BAZ2B: variants seen among roughly 807,000 people sequenced by gnomAD.
The protein encoded by BAZ2B is bromodomain adjacent to zinc finger domain protein 2B.
BAZ2B carries 91 observed loss-of-function variants against 246.0 expected under a neutral mutation model. The ratio of observed to expected loss-of-function variants is 0.37; its 90% CI spans 0.31 to 0.44. The LOEUF (loss-of-function observed/expected upper bound fraction) is 0.44, where lower values mean the gene tolerates loss of function less well. BAZ2B is among the 20% of genes least tolerant of loss of function. The pLI is 1.00. For missense variants in BAZ2B, 2,332 were observed against 2,533.7 expected (o/e 0.92, Z 1.71); for synonymous variants, 855 against 860.0 (o/e 0.99, Z 0.10).
At position 159,349,297 on chromosome 2, in the gene BAZ2B, T is replaced by C. The variant is rs2058308226; in HGVS notation, c.4864-17A>G. The C allele has an allele frequency of 6.4e-7, 1 of 1,568,356 alleles. No individual in the cohort carries two copies. Among genetic ancestry groups the C allele is most frequent in the African/African-American group, 1.4e-5 (1 of 73,278 alleles). ...ACCTTTCACCTGCAAAAAGAAAACA[T>C]TTATTAATGAAAAGTAGATTACTCT... On this transcript the variant is annotated splice_polypyrimidine_tract_variant and intron_variant, in intron 28 of 36. Coordinates refer to ENST00000392783, the MANE Select transcript of BAZ2B (RefSeq NM_013450.4).
intron 14 of BAZ2B, among the ~76,000 whole-genome samples, chr2:159,405,763 A>T (rs2065839230): frequency 6.6e-6 from 1 of 152,072 alleles, no homozygotes; most frequent in African/African-American, 2.4e-5. Context: ...TAGTGGGAAA[A>T]TAGCTGCTAA....
chr2:159,651,008 G>A, the BAZ2B span, among the ~76,000 whole-genome samples: 69,408 of 151,778 alleles, frequency 0.46, 16,705 homozygotes, highest in Middle Eastern at 0.64. Flanking sequence ...GATCCTATTC[G>A]TTTATTTTTA....
chr2:159,361,255 G>A (rs58750961), intron 27 of BAZ2B, among the ~76,000 whole-genome samples: 11,685 of 152,010 alleles, frequency 0.077, 604 homozygotes, highest in African/African-American at 0.14. Context: ...AAATTTACAA[G>A]AAAATATAAA....
chr2:159,644,156 T>C, the BAZ2B span, among the ~76,000 whole-genome samples: 1 of 152,172 alleles, frequency 6.6e-6, no homozygotes, highest in African/African-American at 2.4e-5. Context: ...AAGGTACTAT[T>C]CATCTTGAGG....
rs558382249 is a variant in BAZ2B, at chr2:159,464,812, T to C, written c.146-11011A>G. 2.0e-5 allele frequency: 3 copies of C among 152,322 alleles called. No individual in the cohort carries two copies. In the South Asian group the frequency reaches 6.2e-4, roughly 32 times the overall value. 9.4% of individuals were successfully genotyped at this position (152,322 alleles called of 1,614,324 possible). A position where few individuals can be genotyped will look rare whatever the true frequency, so the allele number is the denominator to read the frequency against. On this transcript the variant is annotated intron_variant, in intron 3 of 36. Transcript: ENST00000392783. ...AGATTAAAATGCTAAAAATACGGAA[T>C]ATTTTATATACATTTCTATATTCAA...
At position 159,478,605 on chromosome 2, in the gene BAZ2B, C is replaced by T; in HGVS notation, c.115G>A (p.Ala39Thr). 1 of 1,611,206 alleles carries T rather than the reference C, an allele frequency of 6.2e-7. No individual in the cohort carries two copies. Among genetic ancestry groups the T allele is most frequent in the Non-Finnish European group, 8.5e-7 (1 of 1,178,462 alleles). The change falls in exon 3 of 37, where the codon GCT becomes ACT. Residue 39 changes from alanine to threonine, a missense_variant. Physicochemically the swap from Ala to Thr is moderately conservative, Grantham distance 58. This residue lies in a region of BAZ2B where 242 missense variants were observed against 237.4 expected (regional missense o/e 1.02). Coordinates refer to ENST00000392783, the MANE Select transcript of BAZ2B (RefSeq NM_013450.4). Reference sequence around the variant, plus strand: ...GGGTTGATTGTAGAGCTAAGTGAAGCAACTCCAGTGGAAAGGCCACCTTTT... The same window carrying T: ...GGGTTGATTGTAGAGCTAAGTGAAGTAACTCCAGTGGAAAGGCCACCTTTT... ...VSKGGLSTGV[A>T]SLSSTINPCG...
At chr2:159,485,840 T>C (rs774033836) in intron 2 of BAZ2B, among the ~76,000 whole-genome samples, 57 of 152,248 alleles carry the variant, frequency 3.7e-4, no homozygotes, top group African/African-American at 1.3e-3. Context: ...TGTTAAATTA[T>C]AGATTTCTGT....
chr2:159,708,545 T>TTTTATTTATTTA, the BAZ2B span, among the ~76,000 whole-genome samples: 6 of 108,800 alleles, frequency 5.5e-5, no homozygotes, highest in East Asian at 2.4e-4. Context: ...TTTAATAACC[T>TTTTATTTATTTA]TTTATTTATT....
chr2:159,520,894 C>T (rs1206450451), intron 2 of BAZ2B, among the ~76,000 whole-genome samples: 1 of 152,096 alleles, frequency 6.6e-6, no homozygotes, highest in Non-Finnish European at 1.5e-5. Context: ...TATTTGAACT[C>T]ATAACATAAA....
chr2:159,688,671 C>T, the BAZ2B span, among the ~76,000 whole-genome samples: 842 of 152,234 alleles, frequency 5.5e-3, 3 homozygotes, highest in African/African-American at 0.019. Context: ...GAGGGTCATA[C>T]ATTATTTTTA....
chr2:159,598,982 C>T lies in BAZ2B; in HGVS notation c.-46+17260G>A, dbSNP rs150381689. ...TGTTAACTGGGTGTGGTGGCTCATG[C>T]CTGTAATTCTAGCACTTTGGGAGGC... is the stretch of plus-strand genomic sequence containing the variant. On this transcript the variant is annotated intron_variant, in intron 1 of 36. Coordinates refer to ENST00000392783, the MANE Select transcript of BAZ2B (RefSeq NM_013450.4). Among the ~76,000 whole-genome samples, 563 of 152,192 alleles carry T rather than the reference C, an allele frequency of 3.7e-3. 4 individuals are homozygous for T. Among genetic ancestry groups the T allele is most frequent in the African/African-American group, 0.013 (531 of 41,516 alleles).
intron 21 of BAZ2B, among the ~76,000 whole-genome samples, chr2:159,387,655 A>G (rs535672409): frequency 2.6e-5 from 4 of 152,274 alleles, no homozygotes; most frequent in Admixed American, 6.5e-5. Flanking sequence ...GAACCACAGG[A>G]AACATATACA....
chr2:159,389,530 T>C (rs1360150619), intron 20 of BAZ2B, 45 bp from the exon 21 acceptor site: 7 of 1,459,404 alleles, frequency 4.8e-6, no homozygotes, highest in Non-Finnish European at 5.5e-6. Context: ...AATCATTATA[T>C]ATGTTGGAAT....
At chr2:159,574,316 C>T (rs893036895) in intron 1 of BAZ2B, among the ~76,000 whole-genome samples, 3 of 150,964 alleles carry the variant, frequency 2.0e-5, no homozygotes, top group Non-Finnish European at 4.4e-5. Flanking sequence ...TGGCACTTCA[C>T]ACTCACTAGA....
intron 1 of BAZ2B, among the ~76,000 whole-genome samples, chr2:159,571,385 G>A (rs183107639): frequency 1.3e-4 from 20 of 152,232 alleles, no homozygotes; most frequent in East Asian, 7.7e-4. Context: ...ATGCTGTGGT[G>A]TAGTAATAAA....
At chr2:159,705,557 A>AT in the BAZ2B span, among the ~76,000 whole-genome samples, 1 of 152,212 alleles carries the variant, frequency 6.6e-6, no homozygotes, top group Non-Finnish European at 1.5e-5. Context: ...AGCCTTTCTA[A>AT]TTACAGAATT....
chr2:159,584,104 G>A (rs1222567809), intron 1 of BAZ2B, among the ~76,000 whole-genome samples: 2 of 150,478 alleles, frequency 1.3e-5, no homozygotes, highest in Non-Finnish European at 3.0e-5. Flanking sequence ...TGTGAACACA[G>A]GAGGGATGTA....
intron 2 of BAZ2B, among the ~76,000 whole-genome samples, chr2:159,511,756 A>C (rs1253775095): frequency 6.6e-6 from 1 of 152,214 alleles, no homozygotes; most frequent in Non-Finnish European, 1.5e-5. Context: ...AATTTTAATC[A>C]TAAGTGGAAT....
chr2:159,485,690 T>A (rs1385949153), intron 2 of BAZ2B, among the ~76,000 whole-genome samples: 1 of 152,020 alleles, frequency 6.6e-6, no homozygotes. Context: ...AATTGGTGGT[T>A]AAAAAACAAC....
Sources: gnomAD v4.1 joint callset for allele counts (sites outside exome capture counted in the v4.1 genomes callset) on GRCh38, gnomAD v4.1.1 for gene constraint, gnomAD v4.1.1 regional missense constraint, MANE v1.5 for transcripts, NCBI Gene and HGNC (gene_info 2026-07-23, HGNC 2026-07-21) for gene names.